Variants in PDZD2 observed in about 807,000 individuals in gnomAD.
PDZD2 encodes the protein PDZ domain containing 2.
A neutral mutation model predicts 220.7 loss-of-function variants in PDZD2; 90 were observed. The ratio of observed to expected loss-of-function variants is 0.41; its 90% CI spans 0.34 to 0.49. The LOEUF is 0.49. PDZD2 is among the 20% of genes least tolerant of loss of function. The pLI is 0.28. For synonymous variants in PDZD2, 1,375 were observed against 1,450.5 expected (o/e 0.95, Z 1.18); for missense variants, 3,174 against 3,608.5 (o/e 0.88, Z 3.08).
At chr5:31,721,535 T>TTC (rs1580621647) in intron 1 of PDZD2, among the ~76,000 whole-genome samples, 3 of 147,880 alleles carry the variant, frequency 2.0e-5, no homozygotes, top group Non-Finnish European at 3.0e-5. Flanking sequence ...TTTTTTTTTT[T>TTC]TTAGAAAAAG....
chr5:32,084,393 TC>T (rs1486651412), intron 19 of PDZD2, among the ~76,000 whole-genome samples: 1 of 152,204 alleles, frequency 6.6e-6, no homozygotes, highest in African/African-American at 2.4e-5. Flanking sequence ...TCCGTCCTCA[TC>T]CTTCCAATGC....
intron 1 of PDZD2, among the ~76,000 whole-genome samples, chr5:31,701,829 A>G (rs1195612712): frequency 1.3e-5 from 2 of 152,238 alleles, no homozygotes; most frequent in East Asian, 3.8e-4. Flanking sequence ...TCCAGTCCGT[A>G]AGTTAATTAG....
chr5:31,681,298 G>A (rs1174925468), intron 1 of PDZD2, among the ~76,000 whole-genome samples: 2 of 152,124 alleles, frequency 1.3e-5, no homozygotes, highest in Non-Finnish European at 2.9e-5. Flanking sequence ...CCTGGCTGGA[G>A]TCCAGTGGCA....
chr5:32,024,127 A>G (rs73751769), intron 6 of PDZD2, among the ~76,000 whole-genome samples: 3,385 of 152,356 alleles, frequency 0.022, 124 homozygotes, highest in African/African-American at 0.078. Context: ...GGCAATGCAG[A>G]TAAGCCAAAG....
rs116456146 is a variant in PDZD2, at chr5:31,765,403, C to A, written c.-360-33486C>A. ...CCCAAAAGCTACCATTGGGAAAGGA[C>A]TGCTTATTGTTTTAAGTGAAGGATT... On this transcript the variant is annotated intron_variant, in intron 1 of 24. Transcript: ENST00000438447. 5.3e-3 allele frequency among the ~76,000 whole-genome samples: 812 copies of A among 152,316 alleles called. 3 individuals are homozygous for A. Among genetic ancestry groups the A allele is most frequent in the African/African-American group, 0.019 (787 of 41,560 alleles).
chr5:31,984,488 C>T (rs955086055), intron 3 of PDZD2, among the ~76,000 whole-genome samples: 1 of 152,190 alleles, frequency 6.6e-6, no homozygotes, highest in Non-Finnish European at 1.5e-5. Flanking sequence ...TCTTCTCTGA[C>T]TCAGGAGATG....
At chr5:31,792,510 C>T (rs1408471118) in intron 1 of PDZD2, among the ~76,000 whole-genome samples, 2 of 152,098 alleles carry the variant, frequency 1.3e-5, no homozygotes, top group Non-Finnish European at 2.9e-5. Context: ...CCTCTGCCTC[C>T]GGAGTTCAAG....
At chr5:32,107,653 C>A (rs1189442704) in intron 24 of PDZD2, among the ~76,000 whole-genome samples, 1 of 152,184 alleles carries the variant, frequency 6.6e-6, no homozygotes, top group Non-Finnish European at 1.5e-5. Context: ...TTGTGTTATT[C>A]TTGTTGACTT....
chr5:31,908,569 G>A, intron 2 of PDZD2: 5 of 980,998 alleles, frequency 5.1e-6, no homozygotes, highest in Non-Finnish European at 7.9e-6. Context: ...TGTTGATACT[G>A]TCATGAACCA....
At chr5:31,870,603 G>C (rs1738697952) in intron 2 of PDZD2, among the ~76,000 whole-genome samples, 1 of 152,118 alleles carries the variant, frequency 6.6e-6, no homozygotes, top group African/African-American at 2.4e-5. Context: ...AATGGAACAA[G>C]TTGGCCAGGC....
intron 2 of PDZD2, among the ~76,000 whole-genome samples, chr5:31,940,580 A>C (rs774591184): frequency 6.6e-5 from 10 of 152,228 alleles, no homozygotes; most frequent in Non-Finnish European, 1.3e-4. Flanking sequence ...GAAGAGAAGG[A>C]TCACCCTATA....
chr5:31,915,666 G>A (rs1268558301), intron 2 of PDZD2, among the ~76,000 whole-genome samples: 1 of 152,168 alleles, frequency 6.6e-6, no homozygotes, highest in Non-Finnish European at 1.5e-5. Context: ...TGATTTGTGT[G>A]TATGTGTTAA....
chr5:31,697,261 G>C (rs1747415335), intron 1 of PDZD2, among the ~76,000 whole-genome samples: 1 of 152,142 alleles, frequency 6.6e-6, no homozygotes, highest in Non-Finnish European at 1.5e-5. Flanking sequence ...TCAGGAGTTT[G>C]AGACCAGCCT....
intron 6 of PDZD2, 99 bp from the exon 7 acceptor site, chr5:32,037,132 T>A: frequency 2.7e-6 from 2 of 727,312 alleles, no homozygotes; most frequent in Non-Finnish European, 4.8e-6. Flanking sequence ...ACACCTGTAT[T>A]GCTGCTCCTT....
At chr5:31,923,187 CA>C (rs971086109) in intron 2 of PDZD2, among the ~76,000 whole-genome samples, 52 of 152,224 alleles carry the variant, frequency 3.4e-4, no homozygotes, top group African/African-American at 1.3e-3. Context: ...CCCAGCTACT[CA>C]GGGGGCAGAG....
At chr5:31,831,616 T>A (rs1052412548) in intron 2 of PDZD2, among the ~76,000 whole-genome samples, 34 of 151,736 alleles carry the variant, frequency 2.2e-4, no homozygotes, top group African/African-American at 8.0e-4. Flanking sequence ...GGCATGGTGG[T>A]GTGTGCCTGT....
intron 7 of PDZD2, among the ~76,000 whole-genome samples, chr5:32,046,174 A>G (rs1737940639): frequency 6.6e-6 from 1 of 152,218 alleles, no homozygotes; most frequent in South Asian, 2.1e-4. Context: ...CCCTTAAATT[A>G]TTTTAAAATA....
chr5:32,027,955 A>G (rs1754804581), intron 6 of PDZD2, among the ~76,000 whole-genome samples: 1 of 132,206 alleles, frequency 7.6e-6, no homozygotes, highest in African/African-American at 2.7e-5. Context: ...GCTGCGTTCC[A>G]CTGTCCTATG....
chr5:31,834,146 T>G (rs1314376203), intron 2 of PDZD2, among the ~76,000 whole-genome samples: 3 of 152,210 alleles, frequency 2.0e-5, no homozygotes, highest in Non-Finnish European at 4.4e-5. Context: ...CAGGTTTTGT[T>G]GCCAAGAGGA....
Sources: gnomAD v4.1 joint callset for allele counts (sites outside exome capture counted in the v4.1 genomes callset) on GRCh38, gnomAD v4.1.1 for gene constraint, MANE v1.5 for transcripts, NCBI Gene and HGNC (gene_info 2026-07-23, HGNC 2026-07-21) for gene names.